FARP1: variants seen among roughly 807,000 people sequenced by gnomAD.
FARP1 encodes FERM, ARHGEF and pleckstrin domain-containing protein 1.
Under a neutral mutation model 128.8 loss-of-function variants are expected in FARP1, and 52 were observed. That is an observed-to-expected ratio of 0.40 (90% CI 0.32 to 0.51). The LOEUF is 0.51. Among genes scored for constraint, FARP1 ranks in the 20% least tolerant of loss-of-function variants. FARP1 has a pLI of 0.45. For synonymous variants in FARP1, 580 were observed against 551.8 expected (o/e 1.05, Z -0.72); for missense variants, 1,333 against 1,367.9 (o/e 0.97, Z 0.40).
intron 6 of FARP1, chr13:98,381,725 T>C (rs1889894390): frequency 6.6e-6 from 1 of 152,210 alleles, no homozygotes; most frequent in African/African-American, 2.4e-5. Flanking sequence ...TCTGGGGAAG[T>C]TGCATCCATT....
At position 98,393,326 on chromosome 13, in the gene FARP1, C is replaced by A. The variant is rs562078063; in HGVS notation, c.1089-317C>A. Among the ~76,000 whole-genome samples the A allele has an allele frequency of 1.3e-4, 20 of 152,320 alleles. No homozygotes were observed. The South Asian group carries it at 3.5e-3, about 27-fold the overall frequency. On this transcript the variant is annotated intron_variant, in intron 11 of 26. Transcript: ENST00000319562. ...ATGGGAGGGCGCAGCCACATCCTCC[C>A]TCCTCTGTGACTTTCCCCTTAACTA...
At chr13:98,245,000 T>G in intron 2 of FARP1, 1 of 1,141,418 alleles carries the variant, frequency 8.8e-7, no homozygotes, top group Non-Finnish European at 1.1e-6. Context: ...AGGGGAAGAT[T>G]CATTTCTATT....
intron 16 of FARP1, among the ~76,000 whole-genome samples, chr13:98,419,678 G>A (rs1891519185): frequency 6.6e-6 from 1 of 152,022 alleles, no homozygotes; most frequent in South Asian, 2.1e-4. Flanking sequence ...TTTCCATTTA[G>A]AATCATAGAG....
chr13:98,411,930 C>T lies in FARP1; in HGVS notation c.1722C>T (p.Asp574=), dbSNP rs770039478. The change falls in exon 16 of 27, where the codon GAC becomes GAT. Residue 574 remains aspartate (D), a synonymous_variant. Transcript: ENST00000319562. ...TTCAGAGCACAGTGAGCAAAGAGGA[C>T]GCCATGCCGGAAGCACTGAAAAGTC... ...SWFQSTVSKE[D]AMPEALKSLI... 1.5e-5 allele frequency: 24 copies of T among 1,613,932 alleles called. No homozygotes were observed. The highest frequency in any genetic ancestry group is 5.0e-5 in the Admixed American group (3 of 60,004).
At chr13:98,440,990 C>G (rs1266825503) in intron 24 of FARP1, among the ~76,000 whole-genome samples, 154 bp downstream of exon 24, 7 of 152,226 alleles carry the variant, frequency 4.6e-5, no homozygotes, top group Admixed American at 3.9e-4. Context: ...CACTGGGCCC[C>G]CTTTGGAGCC....
intron 26 of FARP1, chr13:98,447,338 TA>T (rs1318104513): frequency 6.5e-6 from 1 of 152,816 alleles, no homozygotes; most frequent in African/African-American, 2.4e-5. Flanking sequence ...GAGCACCTCC[TA>T]AACAACATCA....
chr13:98,170,652 G>C (rs1418569627), intron 1 of FARP1, among the ~76,000 whole-genome samples: 2 of 151,966 alleles, frequency 1.3e-5, no homozygotes, highest in Non-Finnish European at 2.9e-5. Context: ...CACCGCACCT[G>C]GTCTAATCAT....
At chr13:98,367,328 T>C (rs2139972076) in intron 4 of FARP1, among the ~76,000 whole-genome samples, 1 of 152,244 alleles carries the variant, frequency 6.6e-6, no homozygotes, top group South Asian at 2.1e-4. Flanking sequence ...GACTAATTTT[T>C]AGTACAGACA....
chr13:98,356,106 A>G (rs368593757), intron 3 of FARP1, among the ~76,000 whole-genome samples: 5 of 152,350 alleles, frequency 3.3e-5, no homozygotes, highest in East Asian at 1.9e-4. Context: ...ATATATTTCA[A>G]TGAGGTTACG....
intron 2 of FARP1, among the ~76,000 whole-genome samples, chr13:98,312,597 G>A (rs748690545): frequency 3.9e-5 from 6 of 152,144 alleles, no homozygotes; most frequent in East Asian, 1.9e-4. Flanking sequence ...CCCCCCCACC[G>A]GAAAAGAGGT....
chr13:98,244,404 G>A (rs1475249974), intron 2 of FARP1: 3 of 1,218,774 alleles, frequency 2.5e-6, no homozygotes, highest in African/African-American at 1.5e-5. Flanking sequence ...AAACTTTGCT[G>A]TGTCTCTTTA....
intron 2 of FARP1, among the ~76,000 whole-genome samples, chr13:98,230,192 T>A (rs1222835619): frequency 6.6e-6 from 1 of 152,252 alleles, no homozygotes; most frequent in Admixed American, 6.5e-5. Flanking sequence ...GTAATTTTAA[T>A]AATTACATGT....
chr13:98,318,449 C>A (rs76041459), intron 2 of FARP1, among the ~76,000 whole-genome samples: 2 of 152,178 alleles, frequency 1.3e-5, no homozygotes, highest in African/African-American at 2.4e-5. Context: ...TTACTTTAAC[C>A]GTGGCCACAC....
intron 2 of FARP1, among the ~76,000 whole-genome samples, chr13:98,258,334 C>T (rs537214744): frequency 2.7e-4 from 41 of 152,124 alleles, no homozygotes; most frequent in Non-Finnish European, 4.7e-4. Flanking sequence ...ATGAGAAGGA[C>T]AGGTCATGAA....
chr13:98,440,564 G>C, intron 23 of FARP1, 106 bp from the exon 24 acceptor site: 1 of 1,207,686 alleles, frequency 8.3e-7, no homozygotes, highest in Non-Finnish European at 1.2e-6. Context: ...GGGCACCACA[G>C]GTTGTGACTG....
chr13:98,389,536 C>G (rs377034455), intron 9 of FARP1: 1 of 154,382 alleles, frequency 6.5e-6, no homozygotes, highest in Non-Finnish European at 1.4e-5. Flanking sequence ...AGAGAAACGA[C>G]GTAAGAGCCA....
At chr13:98,276,549 A>G (rs1199085605) in intron 2 of FARP1, among the ~76,000 whole-genome samples, 2 of 147,260 alleles carry the variant, frequency 1.4e-5, no homozygotes, top group Admixed American at 7.1e-5. Context: ...GTTAGGGTAG[A>G]GGGGATGTGG....
chr13:98,435,426 A>G, intron 18 of FARP1, 150 bp from the exon 19 acceptor site: 2 of 689,552 alleles, frequency 2.9e-6, no homozygotes, highest in South Asian at 4.5e-5. Context: ...TTTTTATTAT[A>G]GAGAAATAGC....
At chr13:98,280,842 T>C (rs546746627) in intron 2 of FARP1, among the ~76,000 whole-genome samples, 3 of 152,284 alleles carry the variant, frequency 2.0e-5, no homozygotes, top group African/African-American at 7.2e-5. Context: ...TTAGGGCCCA[T>C]GGTAGTTTAA....
Sources: gnomAD v4.1 joint callset for allele counts (sites outside exome capture counted in the v4.1 genomes callset) on GRCh38, gnomAD v4.1.1 for gene constraint, MANE v1.5 for transcripts, NCBI Gene and HGNC (gene_info 2026-07-23, HGNC 2026-07-21) for gene names.